PLA2G4A: variants seen among roughly 807,000 people sequenced by gnomAD.
The protein encoded by PLA2G4A is phospholipase A2 group IVA.
PLA2G4A carries 40 observed loss-of-function variants against 81.9 expected under a neutral mutation model. The observed-to-expected ratio is 0.49, with a 90% CI of 0.38 to 0.64. PLA2G4A has a LOEUF of 0.64. Among genes scored for constraint, PLA2G4A ranks in the 30% least tolerant of loss-of-function variants. The pLI is 0.00. For missense variants in PLA2G4A, 715 were observed against 905.1 expected, an observed-to-expected ratio of 0.79 and a Z score of 2.69; for synonymous variants, 302 against 296.9, an observed-to-expected ratio of 1.02 and a Z score of -0.18.
chr1:186,904,976 TC>T (rs771932950), intron 5 of PLA2G4A, among the ~76,000 whole-genome samples: 7 of 152,104 alleles, frequency 4.6e-5, no homozygotes, highest in Non-Finnish European at 1.0e-4. Flanking sequence ...TACCTCAGCC[TC>T]CCGAGTAGCT....
chr1:186,910,651 G>A (rs896031020), intron 6 of PLA2G4A, among the ~76,000 whole-genome samples: 1 of 152,116 alleles, frequency 6.6e-6, no homozygotes, highest in Admixed American at 6.5e-5. Flanking sequence ...GCCTTCATTA[G>A]CAAGATAAAG....
At chr1:186,919,673 G>A (rs1176111293) in intron 7 of PLA2G4A, among the ~76,000 whole-genome samples, 1 of 152,178 alleles carries the variant, frequency 6.6e-6, no homozygotes, top group Non-Finnish European at 1.5e-5. Context: ...CCCACTGAAA[G>A]GCAAACAGCT....
chr1:186,952,473 G>A (rs934853821), intron 13 of PLA2G4A, among the ~76,000 whole-genome samples: 6 of 152,046 alleles, frequency 3.9e-5, no homozygotes, highest in African/African-American at 1.2e-4. Context: ...TATGTCCCCT[G>A]TCCACCTTCC....
chr1:186,884,892 C>CA (rs59150767), intron 3 of PLA2G4A, among the ~76,000 whole-genome samples: 11 of 133,774 alleles, frequency 8.2e-5, no homozygotes, highest in Admixed American at 1.5e-4. Context: ...ATCCTGTCTT[C>CA]AAAAAAAAAA....
At chr1:186,882,398 T>G (rs1558397031) in intron 3 of PLA2G4A, among the ~76,000 whole-genome samples, 1 of 152,194 alleles carries the variant, frequency 6.6e-6, no homozygotes, top group Non-Finnish European at 1.5e-5. Context: ...GAATAAACTT[T>G]AGCTATCAGC....
intron 3 of PLA2G4A, among the ~76,000 whole-genome samples, chr1:186,884,923 A>G (rs1236126935): frequency 6.6e-6 from 1 of 151,060 alleles, no homozygotes; most frequent in Non-Finnish European, 1.5e-5. Context: ...GAATAAGCTC[A>G]TATTCTGCAA....
intron 1 of PLA2G4A, among the ~76,000 whole-genome samples, chr1:186,847,357 C>CGTGT (rs34724808): frequency 0.26 from 37,740 of 146,040 alleles, 5,048 homozygotes; most frequent in East Asian, 0.52. Context: ...TTATTTCATA[C>CGTGT]GTGTGTGTGT....
chr1:186,855,807 G>T (rs1652530511), intron 2 of PLA2G4A, among the ~76,000 whole-genome samples: 1 of 151,922 alleles, frequency 6.6e-6, no homozygotes, highest in South Asian at 2.1e-4. Flanking sequence ...TATAAATCAG[G>T]CTACCATATA....
Position 186,894,129 on chromosome 1 carries a change from A to G in PLA2G4A, c.296A>G (p.Asp99Gly). 6.8e-7 allele frequency: 1 copy of G among 1,473,892 alleles called. No individual in the cohort carries two copies. The highest frequency in any genetic ancestry group is 9.5e-7 in the Non-Finnish European group (1 of 1,052,044). The allele number at this position is 1,473,892 out of a possible 1,614,324, so 91.3% of individuals were successfully genotyped here. ...ITLMDANYVM[D>G]ETLGTATFTV... ...TTAATGGATGCCAATTATGTCATGG[A>G]TGAAACTCTAGGGACAGCAACATTT... Residue 99 changes from aspartate to glycine, a missense_variant, in exon 5 of 18, where the codon GAT (aspartate) becomes GGT (glycine). By Grantham distance (94) the Asp-to-Gly change is moderately conservative. Transcript: ENST00000367466.
chr1:186,897,175 C>A (rs1654361491), intron 5 of PLA2G4A, among the ~76,000 whole-genome samples: 1 of 152,144 alleles, frequency 6.6e-6, no homozygotes, highest in African/African-American at 2.4e-5. Flanking sequence ...GTTTTGTCAT[C>A]CAAACGTTAA....
chr1:186,965,694 T>C (rs966573688), intron 15 of PLA2G4A, 101 bp downstream of exon 15: 2 of 848,138 alleles, frequency 2.4e-6, no homozygotes, highest in Admixed American at 1.7e-5. Flanking sequence ...TCCTTTAATG[T>C]ATTTTCTACA....
At chr1:186,918,836 C>T (rs776878262) in intron 7 of PLA2G4A, among the ~76,000 whole-genome samples, 15 of 152,210 alleles carry the variant, frequency 9.9e-5, no homozygotes, top group Non-Finnish European at 1.5e-4. Flanking sequence ...TGATGTCCTT[C>T]GGTAGTCATC....
chr1:186,894,136 T>C lies in PLA2G4A; in HGVS notation c.303T>C (p.Thr101=), dbSNP rs1654250251. The change falls in exon 5 of 18, where the codon ACT becomes ACC. Residue 101 remains threonine, a synonymous_variant. Coordinates refer to ENST00000367466, the MANE Select transcript of PLA2G4A (RefSeq NM_024420.3). ...LMDANYVMDE[T]LGTATFTVSS... ...ATGCCAATTATGTCATGGATGAAAC[T>C]CTAGGGACAGCAACATTTACTGTAT... 1 of 1,506,246 alleles carries C rather than the reference T, an allele frequency of 6.6e-7. No homozygotes were observed. The highest frequency in any genetic ancestry group is 9.2e-7 in the Non-Finnish European group (1 of 1,081,710). The allele number at this position is 1,506,246 out of a possible 1,614,324, so 93.3% of individuals were successfully genotyped here. A position where few individuals can be genotyped will look rare whatever the true frequency, so the allele number is the denominator to read the frequency against.
intron 3 of PLA2G4A, among the ~76,000 whole-genome samples, chr1:186,882,275 A>G (rs1007581717): frequency 6.6e-6 from 1 of 152,180 alleles, no homozygotes; most frequent in Non-Finnish European, 1.5e-5. Context: ...TTGACTAGGG[A>G]AGTGGGGACT....
chr1:186,919,442 G>T (rs1655264565), intron 7 of PLA2G4A, among the ~76,000 whole-genome samples: 1 of 152,138 alleles, frequency 6.6e-6, no homozygotes, highest in Non-Finnish European at 1.5e-5. Context: ...AGTCCTCCAG[G>T]TGCTGAAGCA....
At chr1:186,912,067 C>T (rs1654963423) in intron 7 of PLA2G4A, among the ~76,000 whole-genome samples, 1 of 152,116 alleles carries the variant, frequency 6.6e-6, no homozygotes, top group Non-Finnish European at 1.5e-5. Context: ...TCAGGCCCTC[C>T]AAGGATGGAA....
intron 6 of PLA2G4A, among the ~76,000 whole-genome samples, chr1:186,907,404 A>C (rs1348419825): frequency 6.6e-6 from 1 of 152,188 alleles, no homozygotes; most frequent in Non-Finnish European, 1.5e-5. Flanking sequence ...CTATATAATA[A>C]TTTTTAAAAT....
At chr1:186,869,185 G>A (rs1375135053) in intron 2 of PLA2G4A, among the ~76,000 whole-genome samples, 1 of 151,700 alleles carries the variant, frequency 6.6e-6, no homozygotes, top group Non-Finnish European at 1.5e-5. Flanking sequence ...TTCCCATTCA[G>A]TACTGCTTTC....
At chr1:186,946,007 C>A (rs889677573) in intron 10 of PLA2G4A, among the ~76,000 whole-genome samples, 1 of 151,998 alleles carries the variant, frequency 6.6e-6, no homozygotes, top group African/African-American at 2.4e-5. Flanking sequence ...AGAATAATAC[C>A]CAAGTCAGTA....
Sources: allele counts gnomAD v4.1 joint callset (sites outside exome capture counted in the v4.1 genomes callset), GRCh38; gene constraint gnomAD v4.1.1; transcripts MANE v1.5; gene names NCBI Gene and HGNC (gene_info 2026-07-23, HGNC 2026-07-21).